The following SFMBT2 variants were observed in gnomAD, a reference collection of about 807,000 sequenced individuals.
The protein encoded by SFMBT2 is scm-like with four MBT domains protein 2.
Under a neutral mutation model 110.1 loss-of-function variants are expected in SFMBT2, and 38 were observed. The observed-to-expected ratio is 0.35, with a 90% CI of 0.27 to 0.45. The LOEUF (loss-of-function observed/expected upper bound fraction) is 0.45. Among genes scored for constraint, SFMBT2 ranks in the 20% least tolerant of loss-of-function variants. The pLI is 1.00. For synonymous variants in SFMBT2, 425 were observed against 425.4 expected (o/e 1.00, Z 0.01); for missense variants, 1,011 against 1,094.9 (o/e 0.92, Z 1.08).
intron 10 of SFMBT2, among the ~76,000 whole-genome samples, chr10:7,225,678 A>C (rs1256956496): frequency 1.3e-5 from 2 of 152,196 alleles, no homozygotes; most frequent in East Asian, 3.9e-4. Flanking sequence ...GCGAATGGGA[A>C]CAGAGGACTG....
intron 4 of SFMBT2, among the ~76,000 whole-genome samples, chr10:7,364,138 A>G (rs376318501): frequency 2.0e-5 from 3 of 152,260 alleles, no homozygotes; most frequent in East Asian, 1.9e-4. Context: ...ACAGCGATCA[A>G]TAAAACTTCT....
At chr10:7,215,530 T>C in intron 11 of SFMBT2, 1 of 985,234 alleles carries the variant, frequency 1.0e-6, no homozygotes, top group Non-Finnish European at 1.2e-6. Context: ...TATCCAACAC[T>C]GTACATGGGG....
At chr10:7,322,042 T>C (rs868359790) in intron 4 of SFMBT2, among the ~76,000 whole-genome samples, 81 of 152,340 alleles carry the variant, frequency 5.3e-4, no homozygotes, top group South Asian at 1.4e-3. Flanking sequence ...TCACGGTACA[T>C]GATATTGTTT....
intron 4 of SFMBT2, among the ~76,000 whole-genome samples, chr10:7,355,035 T>C (rs1844458676): frequency 6.6e-6 from 1 of 152,236 alleles, no homozygotes; most frequent in Admixed American, 6.5e-5. Flanking sequence ...TTTCACATAA[T>C]TTATGTTCTA....
intron 5 of SFMBT2, 152 bp downstream of exon 5, chr10:7,285,714 T>C: frequency 1.5e-6 from 1 of 652,870 alleles, no homozygotes; most frequent in Non-Finnish European, 2.8e-6. Flanking sequence ...CCTAAGTAAT[T>C]CAGGACAAAA....
chr10:7,263,843 C>T (rs1841296765), intron 7 of SFMBT2, among the ~76,000 whole-genome samples: 1 of 152,194 alleles, frequency 6.6e-6, no homozygotes, highest in Non-Finnish European at 1.5e-5. Flanking sequence ...ACCCCTTTGG[C>T]TGTACCAGAC....
intron 4 of SFMBT2, among the ~76,000 whole-genome samples, chr10:7,311,788 T>C (rs1406669694): frequency 6.6e-6 from 1 of 152,226 alleles, no homozygotes; most frequent in Non-Finnish European, 1.5e-5. Flanking sequence ...CCCTTCTAAA[T>C]GCCTCTAAAA....
intron 17 of SFMBT2, among the ~76,000 whole-genome samples, chr10:7,175,197 G>A (rs989406931): frequency 1.3e-5 from 2 of 152,250 alleles, no homozygotes; most frequent in South Asian, 4.1e-4. Context: ...AGAGAGAACT[G>A]AGGGGAGACG....
At chr10:7,332,795 T>C (rs1843603445) in intron 4 of SFMBT2, among the ~76,000 whole-genome samples, 3 of 152,364 alleles carry the variant, frequency 2.0e-5, no homozygotes, top group South Asian at 2.1e-4. Flanking sequence ...AGGCAGCACC[T>C]TGGAAGCCTT....
intron 17 of SFMBT2, among the ~76,000 whole-genome samples, chr10:7,175,052 C>T (rs1289553033): frequency 1.3e-5 from 2 of 152,364 alleles, no homozygotes; most frequent in South Asian, 2.1e-4. Flanking sequence ...TTCCTGGTTC[C>T]AGCACCCATG....
intron 11 of SFMBT2, among the ~76,000 whole-genome samples, chr10:7,217,118 T>C (rs1839567577): frequency 1.3e-5 from 2 of 152,232 alleles, no homozygotes; most frequent in African/African-American, 4.8e-5. Flanking sequence ...TGTGAGGTAC[T>C]TGAAGTCATC....
At chr10:7,218,795 G>A (rs1165202298) in intron 11 of SFMBT2, among the ~76,000 whole-genome samples, 1 of 152,136 alleles carries the variant, frequency 6.6e-6, no homozygotes, top group Non-Finnish European at 1.5e-5. Context: ...GAAGCCGTAG[G>A]GTCTGGGGAA....
chr10:7,340,052 G>T (rs546282685), intron 4 of SFMBT2, among the ~76,000 whole-genome samples: 6 of 152,184 alleles, frequency 3.9e-5, no homozygotes, highest in African/African-American at 9.7e-5. Flanking sequence ...AGCCATGCAG[G>T]TTCCTGAGAC....
intron 7 of SFMBT2, among the ~76,000 whole-genome samples, chr10:7,275,767 G>C (rs527631537): frequency 1.3e-5 from 2 of 152,270 alleles, no homozygotes; most frequent in East Asian, 3.9e-4. Flanking sequence ...TGAATGAAAG[G>C]GTCAATGATT....
chr10:7,326,305 A>G (rs1270716514), intron 4 of SFMBT2, among the ~76,000 whole-genome samples: 4 of 152,248 alleles, frequency 2.6e-5, no homozygotes, highest in Non-Finnish European at 5.9e-5. Context: ...TGTCTGGCAG[A>G]ACATTTCAAG....
intron 4 of SFMBT2, among the ~76,000 whole-genome samples, chr10:7,309,348 A>T (rs906979976): frequency 6.6e-6 from 1 of 152,254 alleles, no homozygotes; most frequent in African/African-American, 2.4e-5. Context: ...TGATGGTCTC[A>T]TCAGCCAGGT....
At chr10:7,370,458 CTTCA>C in intron 2 of SFMBT2, 83 bp from the exon 3 acceptor site, 1 of 1,166,462 alleles carries the variant, frequency 8.6e-7, no homozygotes, top group East Asian at 2.3e-5. Context: ...CCAGAAAATC[CTTCA>C]TACAAGACAC....
chr10:7,228,787 TCC>T (rs1840024212), intron 9 of SFMBT2, among the ~76,000 whole-genome samples: 1 of 132,380 alleles, frequency 7.6e-6, no homozygotes, highest in African/African-American at 2.6e-5. Flanking sequence ...TCTCTCCCCC[TCC>T]CTCTCTCTCT....
intron 9 of SFMBT2, among the ~76,000 whole-genome samples, chr10:7,234,126 C>G (rs1840188573): frequency 6.6e-6 from 1 of 152,194 alleles, no homozygotes; most frequent in East Asian, 1.9e-4. Flanking sequence ...TCAAGCCTTC[C>G]TTGATACTGG....
Sources: allele counts gnomAD v4.1 joint callset (sites outside exome capture counted in the v4.1 genomes callset), GRCh38; gene constraint gnomAD v4.1.1; transcripts MANE v1.5; gene names NCBI Gene and HGNC (gene_info 2026-07-23, HGNC 2026-07-21).